Variants in TAFA3 observed in about 807,000 individuals in gnomAD.
TAFA3 encodes the protein chemokine-like protein TAFA-3.
TAFA3 carries 17 observed loss-of-function variants against 20.7 expected under a neutral mutation model. The observed-to-expected ratio is 0.82, with a 90% CI of 0.56 to 1.23. TAFA3 has a LOEUF of 1.23. Ranked by LOEUF, TAFA3 falls within the 50% of genes most tolerant of loss-of-function variation. The pLI is 0.00. For missense variants in TAFA3, 174 were observed against 172.8 expected (o/e 1.01, Z -0.04); for synonymous variants, 74 against 71.8 (o/e 1.03, Z -0.16).
rs368727524 is a variant in TAFA3 at position 112,723,128 on chromosome 1, G to A, written c.228G>A (p.Val76=). 87 of 1,613,224 alleles carry A rather than the reference G, an allele frequency of 5.4e-5. No homozygotes were observed. The highest frequency in any genetic ancestry group is 7.1e-5 in the Non-Finnish European group (84 of 1,179,870). Residue 76 remains valine, a synonymous_variant, in exon 4 of 6, where the codon GTG becomes GTA. Transcript: ENST00000361886. ...TVKCSCFSGQ[V]AGTTRAKPSC... ...AATGCTCCTGTTTTTCTGGCCAGGT[G>A]GCCGGCACCACGCGGGCAAAGCCCT...
rs113144688 is a variant in TAFA3, at chr1:112,723,830, G to A, written c.266-183G>A. On this transcript the variant is annotated intron_variant, in intron 4 of 5. Coordinates refer to ENST00000361886, the MANE Select transcript of TAFA3 (RefSeq NM_182759.3). ...GTGGGATTAAAGTTGAGAGGGTTACGTCCCCAGGCCTCAGGCTGAGTACTG... is the reference window on the plus strand; with the variant it reads ...GTGGGATTAAAGTTGAGAGGGTTACATCCCCAGGCCTCAGGCTGAGTACTG... 5.0e-3 allele frequency: 5,881 copies of A among 1,177,922 alleles called. 228 individuals are homozygous for A. The African/African-American group carries it at 0.077, about 16-fold the overall frequency. 73.0% of individuals were successfully genotyped at this position (1,177,922 alleles called of 1,614,324 possible).
chr1:112,726,651 T>A lies in TAFA3; in HGVS notation c.*11T>A, dbSNP rs747581561. On this transcript the variant is annotated 3_prime_UTR_variant, in exon 6 of 6. Transcript: ENST00000361886. The stretch of plus-strand genomic sequence containing the variant: ...CAGGTCACACGATAGCTCTTGGGGG[T>A]CACGGCCTGGACAAGAAAGGCTTGA... The A allele has an allele frequency of 1.9e-5, 30 of 1,613,512 alleles. No individual in the cohort carries two copies. Among genetic ancestry groups the A allele is most frequent in the Non-Finnish European group, 2.5e-5 (30 of 1,179,792 alleles).
chr1:112,720,853 C>G (rs1321152709), intron 2 of TAFA3, among the ~76,000 whole-genome samples: 1 of 152,240 alleles, frequency 6.6e-6, no homozygotes, highest in African/African-American at 2.4e-5. Context: ...GGCTGGGCAG[C>G]TCCTAGCTAC....
intron 5 of TAFA3, among the ~76,000 whole-genome samples, chr1:112,725,358 C>T (rs569569692): frequency 1.4e-5 from 2 of 141,384 alleles, no homozygotes; most frequent in South Asian, 2.2e-4. Flanking sequence ...CAAACCTGCA[C>T]ATGTAATCCC....
At chr1:112,721,840 G>T (rs1355688844) in intron 2 of TAFA3, among the ~76,000 whole-genome samples, 1 of 152,150 alleles carries the variant, frequency 6.6e-6, no homozygotes, top group Non-Finnish European at 1.5e-5. Flanking sequence ...TTGAGCTTTG[G>T]TTTTCTCATC....
rs1209442515 is a variant in TAFA3, at chr1:112,723,042, G to A, written c.142G>A (p.Val48Met). ...TVLVQQGTCEVIAAHRCCNRN... is the reference protein window; with the variant it reads ...TVLVQQGTCEMIAAHRCCNRN... The stretch of plus-strand genomic sequence containing the variant: ...GCTTGTGCAGCAGGGCACCTGCGAG[G>A]TGATTGCGGCTCACCGCTGCTGCAA... The change falls in exon 4 of 6, where the codon GTG (valine) becomes ATG (methionine). Residue 48 changes from valine (V) to methionine (M), a missense_variant. Coordinates refer to ENST00000361886, the MANE Select transcript of TAFA3 (RefSeq NM_182759.3). The A allele has an allele frequency of 6.2e-7, 1 of 1,612,984 alleles. No individual in the cohort carries two copies. The highest frequency in any genetic ancestry group is 8.5e-7 in the Non-Finnish European group (1 of 1,179,620).
intron 3 of TAFA3, 93 bp downstream of exon 3, chr1:112,722,441 T>G (rs1257009519): frequency 1.9e-6 from 2 of 1,072,030 alleles, no homozygotes; most frequent in Non-Finnish European, 2.7e-6. Flanking sequence ...CAGGCAGGTC[T>G]CCCAGGCAGA....
At chr1:112,724,238 A>C in intron 5 of TAFA3, 101 bp downstream of exon 5, 1 of 1,093,452 alleles carries the variant, frequency 9.1e-7, no homozygotes, top group Non-Finnish European at 1.3e-6. Context: ...TCAGTGTCCC[A>C]AGGTGAGATC....
At chr1:112,723,978 A>G (rs1177785752) in intron 4 of TAFA3, 35 bp from the exon 5 acceptor site, 3 of 1,613,572 alleles carry the variant, frequency 1.9e-6, no homozygotes, top group Admixed American at 1.7e-5. Context: ...GCTCGTAGAG[A>G]CCCTAGAGCT....
At chr1:112,719,382 G>T (rs563274183) in intron 1 of TAFA3, among the ~76,000 whole-genome samples, 83 bp downstream of exon 1, 3 of 152,216 alleles carry the variant, frequency 2.0e-5, no homozygotes, top group Admixed American at 6.5e-5. Context: ...GTGAAGAAAG[G>T]TTGAAGATTC....
In TAFA3 at chr1:112,726,609, C is replaced by T; in HGVS notation, c.391-20C>T. 1 of 1,613,758 alleles carries T rather than the reference C, an allele frequency of 6.2e-7. No homozygotes were observed. Among genetic ancestry groups the T allele is most frequent in the Non-Finnish European group, 8.5e-7 (1 of 1,179,774 alleles). On this transcript the variant is annotated intron_variant, in intron 5 of 5. Transcript: ENST00000361886. ...ATAGGCATTCCCTTCTCTAACCTTA[C>T]CCTCTCGCTTCTTCACCAGGTCACA...
chr1:112,724,974 A>T (rs1352147600), intron 5 of TAFA3, among the ~76,000 whole-genome samples: 7 of 152,202 alleles, frequency 4.6e-5, no homozygotes, highest in African/African-American at 1.7e-4. Context: ...TAGCAAGGGC[A>T]TATAATCAGT....
chr1:112,720,639 G>A lies in TAFA3; in HGVS notation c.-2+5G>A, dbSNP rs1675305947. 1 of 152,580 alleles carries A rather than the reference G, an allele frequency of 6.6e-6. No individual in the cohort carries two copies. Among genetic ancestry groups the A allele is most frequent in the South Asian group, 2.1e-4 (1 of 4,834 alleles). 9.5% of individuals were successfully genotyped at this position (152,580 alleles called of 1,614,324 possible). ...AACTGAAAGATCCCCAAAAAGGTAA[G>A]TGGGGAGACATTGAAGATGGGGAGT... is the stretch of plus-strand genomic sequence containing the variant. On this transcript the variant is annotated splice_donor_5th_base_variant and intron_variant, in intron 2 of 5. Coordinates refer to ENST00000361886, the MANE Select transcript of TAFA3 (RefSeq NM_182759.3).
In TAFA3 at chr1:112,724,061, C is replaced by CG. The variant is rs774615236; in HGVS notation, c.319dup (p.Glu107GlyfsTer4). 3.7e-6 allele frequency: 6 copies of CG among 1,613,628 alleles called. No individual in the cohort carries two copies. In the East Asian group the frequency reaches 1.3e-4, roughly 36 times the overall value. On this transcript the variant is annotated frameshift_variant, in exon 5 of 6. Transcript: ENST00000361886. LOFTEE classifies it high-confidence loss of function. ...TGGTGTCAGATGGAGCCCTGCCTGC[C>CG]GGGGGAGGAGTGTAAGGTGCTCCCG...
chr1:112,721,025 C>A (rs1675315579), intron 2 of TAFA3, among the ~76,000 whole-genome samples: 1 of 152,242 alleles, frequency 6.6e-6, no homozygotes, highest in African/African-American at 2.4e-5. Context: ...AGGCTCTGAA[C>A]TCTTCCACCC....
At position 112,726,791 on chromosome 1, in the gene TAFA3, G is replaced by A. The variant is rs1675481745; in HGVS notation, c.*151G>A. 3 of 1,224,878 alleles carry A rather than the reference G, an allele frequency of 2.4e-6. No homozygotes were observed. Among genetic ancestry groups the A allele is most frequent in the South Asian group, 2.7e-5 (2 of 74,890 alleles). The allele number at this position is 1,224,878 out of a possible 1,614,324, so 75.9% of individuals were successfully genotyped here. ...CTTTCCGGGGCATTTCAGTTAAGCT[G>A]CTCAGCAGATATGGATGGATCTGCA... On this transcript the variant is annotated 3_prime_UTR_variant, in exon 6 of 6. Coordinates refer to ENST00000361886, the MANE Select transcript of TAFA3 (RefSeq NM_182759.3).
intron 4 of TAFA3, 124 bp from the exon 5 acceptor site, chr1:112,723,889 A>G (rs1359370953): frequency 1.6e-5 from 26 of 1,595,926 alleles, no homozygotes; most frequent in Non-Finnish European, 2.1e-5. Context: ...GGGAAAGACA[A>G]GGGAAATGCA....
intron 5 of TAFA3, among the ~76,000 whole-genome samples, chr1:112,724,532 G>A (rs894885074): frequency 6.8e-6 from 1 of 146,852 alleles, no homozygotes; most frequent in African/African-American, 2.5e-5. Context: ...ACTATCGCAA[G>A]AACAAAAAAC....
intron 5 of TAFA3, among the ~76,000 whole-genome samples, chr1:112,724,785 T>TA (rs1675421454): frequency 1.1e-4 from 4 of 35,116 alleles, no homozygotes; most frequent in African/African-American, 4.0e-4. Context: ...AAAGTATAAT[T>TA]TAAAAAAAAA....
Sources: gnomAD v4.1 joint callset for allele counts (sites outside exome capture counted in the v4.1 genomes callset) on GRCh38, gnomAD v4.1.1 for gene constraint, MANE v1.5 for transcripts, NCBI Gene and HGNC (gene_info 2026-07-23, HGNC 2026-07-21) for gene names.